The following S100A13 variants were observed in gnomAD, a reference collection of about 807,000 sequenced individuals.
S100A13 encodes the protein S100 calcium binding protein A13.
A neutral mutation model predicts 8.2 loss-of-function variants in S100A13; 6 were observed. The ratio of observed to expected loss-of-function variants is 0.73; its 90% CI spans 0.40 to 1.44. S100A13 has a LOEUF of 1.44. S100A13 is among the 40% of genes most tolerant of loss of function. The pLI is 0.02. For missense variants in S100A13, 114 were observed against 113.6 expected, an observed-to-expected ratio of 1.00 and a Z score of -0.02; for synonymous variants, 39 against 45.9, an observed-to-expected ratio of 0.85 and a Z score of 0.61.
rs748899362 is a variant in S100A13, at chr1:153,618,926, T to C, written c.266A>G (p.Lys89Arg). 9.9e-6 allele frequency: 16 copies of C among 1,614,002 alleles called. No individual in the cohort carries two copies. Among genetic ancestry groups the C allele is most frequent in the Non-Finnish European group, 1.4e-5 (16 of 1,180,014 alleles). The change falls in exon 3 of 3, where the codon AAG (lysine) becomes AGG (arginine). Residue 89 changes from lysine to arginine, a missense_variant. Transcript: ENST00000476133. ...LIGELAKEIR[K>R]KKDLKIRKK The stretch of plus-strand genomic sequence containing the variant: ...CTTCCTGATCTTCAGGTCTTTCTTC[T>C]TCCTGATTTCCTTGGCCAGCTCCCC...
chr1:153,625,971 C>T (rs1193777753), intron 2 of S100A13, among the ~76,000 whole-genome samples: 2 of 152,194 alleles, frequency 1.3e-5, no homozygotes, highest in African/African-American at 4.8e-5. Context: ...AGTTCGAGAC[C>T]AGCCTGGCCA....
At chr1:153,630,438 G>A (rs570376747), upstream of S100A13, 1 of 1,566,142 alleles carries the variant, frequency 6.4e-7, no homozygotes, top group East Asian at 2.3e-5. Context: ...CAGTCCTGAG[G>A]GTTCCCCTCA....
upstream of S100A13, chr1:153,631,521 C>G: frequency 6.2e-7 from 1 of 1,613,568 alleles, no homozygotes; most frequent in Non-Finnish European, 8.5e-7. Context: ...GGTGAAAGAG[C>G]TTATGCTGTA....
chr1:153,627,715 C>T (rs1008869974), upstream of S100A13: 10 of 224,002 alleles, frequency 4.5e-5, no homozygotes, highest in African/African-American at 2.3e-4. Flanking sequence ...GCTGCCTGGA[C>T]AGATCTCGTT....
upstream of S100A13, chr1:153,630,999 G>T: frequency 2.7e-6 from 1 of 373,360 alleles, no homozygotes; most frequent in Non-Finnish European, 4.8e-6. Flanking sequence ...AGGGTTATGA[G>T]AGATTATTAA....
chr1:153,620,058 G>A (rs927182290), intron 2 of S100A13, among the ~76,000 whole-genome samples: 2 of 152,006 alleles, frequency 1.3e-5, no homozygotes, highest in African/African-American at 4.8e-5. Context: ...AGGCTGAGGT[G>A]GGCGGATCAC....
intron 2 of S100A13, among the ~76,000 whole-genome samples, chr1:153,621,544 G>C (rs1248752434): frequency 6.6e-6 from 1 of 151,544 alleles, no homozygotes; most frequent in South Asian, 2.1e-4. Context: ...AGGCCAAGGC[G>C]GGTGGATAAC....
In S100A13 at chr1:153,626,353, C is replaced by T; in HGVS notation, c.120G>A (p.Glu40=). 1 of 1,614,218 alleles carries T rather than the reference C, an allele frequency of 6.2e-7. No homozygotes were observed. The highest frequency in any genetic ancestry group is 8.5e-7 in the Non-Finnish European group (1 of 1,180,038). The part of the protein sequence containing the change: ...KDSLSVNEFK[E]LVTQQLPHLL... ...GATGGGGCAACTGCTGGGTAACCAGCTCTTTGAACTCGTTGACGCTGAGGC... is the reference window on the plus strand; with the variant it reads ...GATGGGGCAACTGCTGGGTAACCAGTTCTTTGAACTCGTTGACGCTGAGGC... The change falls in exon 2 of 3, where the codon GAG becomes GAA. Residue 40 remains glutamate (E), a synonymous_variant. Transcript: ENST00000476133.
At chr1:153,621,049 A>T (rs528051538) in intron 2 of S100A13, among the ~76,000 whole-genome samples, 1 of 152,346 alleles carries the variant, frequency 6.6e-6, no homozygotes, top group East Asian at 1.9e-4. Flanking sequence ...GAATAAATAG[A>T]AAATGGAATA....
intron 2 of S100A13, among the ~76,000 whole-genome samples, chr1:153,622,175 G>A (rs1222394534): frequency 6.6e-6 from 1 of 152,050 alleles, no homozygotes; most frequent in East Asian, 1.9e-4. Context: ...TGCGAGACCA[G>A]CCTGGCCAAC....
chr1:153,619,035 C>T lies in S100A13; in HGVS notation c.157G>A (p.Val53Met). The T allele has an allele frequency of 6.2e-7, 1 of 1,613,598 alleles. No individual in the cohort carries two copies. Among genetic ancestry groups the T allele is most frequent in the African/African-American group, 1.3e-5 (1 of 75,012 alleles). ...TQQLPHLLKDVGSLDEKMKSL... is the reference protein window; with the variant it reads ...TQQLPHLLKDMGSLDEKMKSL... The stretch of plus-strand genomic sequence containing the variant: ...TTCATCTTCTCATCAAGAGAGCCCA[C>T]ATCCTGAGGAGACACCAAAGGGAAG... The change falls in exon 3 of 3, where the codon GTG becomes ATG. Residue 53 changes from valine (V) to methionine (M), a missense_variant. Physicochemically the swap from Val to Met is conservative, Grantham distance 21. Coordinates refer to ENST00000476133, the MANE Select transcript of S100A13 (RefSeq NM_001024211.2).
chr1:153,630,897 T>G (rs2101639552), upstream of S100A13: 2 of 520,518 alleles, frequency 3.8e-6, no homozygotes, highest in Non-Finnish European at 6.7e-6. Flanking sequence ...TCATCAATAA[T>G]AAGACACACA....
At chr1:153,633,316 C>T (rs1668137144), upstream of S100A13, among the ~76,000 whole-genome samples, 1 of 152,156 alleles carries the variant, frequency 6.6e-6, no homozygotes, top group South Asian at 2.1e-4. Flanking sequence ...GCGCCACTGA[C>T]TCCAGCCTGG....
chr1:153,623,131 G>A (rs576844761), intron 2 of S100A13, among the ~76,000 whole-genome samples: 22 of 152,132 alleles, frequency 1.4e-4, no homozygotes, highest in Middle Eastern at 3.4e-3. Context: ...TGGTAAGAAC[G>A]ATACAGTGGA....
chr1:153,633,302 C>G (rs1464351534), upstream of S100A13: 1 of 152,224 alleles, frequency 6.6e-6, no homozygotes, highest in Non-Finnish European at 1.5e-5. Flanking sequence ...ATCCGTGATT[C>G]ATTGCGCCAC....
upstream of S100A13, chr1:153,631,863 C>T (rs376068181): frequency 6.8e-6 from 11 of 1,609,726 alleles, no homozygotes; most frequent in South Asian, 6.6e-5. Context: ...CATTGGGCAG[C>T]GCCCTTCCTC....
chr1:153,625,030 G>A (rs1178308708), intron 2 of S100A13, among the ~76,000 whole-genome samples: 6 of 152,068 alleles, frequency 3.9e-5, no homozygotes, highest in Non-Finnish European at 2.9e-5. Context: ...AGCCAAGATC[G>A]CACCATTGCA....
At chr1:153,632,842 T>C (rs1668103681), upstream of S100A13, among the ~76,000 whole-genome samples, 1 of 152,128 alleles carries the variant, frequency 6.6e-6, no homozygotes, top group Non-Finnish European at 1.5e-5. Context: ...CTCAAACATA[T>C]GTACACTGTA....
chr1:153,626,247 G>T (rs1052465117), intron 2 of S100A13, 73 bp downstream of exon 2: 1 of 1,384,536 alleles, frequency 7.2e-7, no homozygotes. Context: ...ACCGTACTCG[G>T]CACCATCACG....
Sources: gnomAD v4.1 joint callset for allele counts (sites outside exome capture counted in the v4.1 genomes callset) on GRCh38, gnomAD v4.1.1 for gene constraint, MANE v1.5 for transcripts, NCBI Gene and HGNC (gene_info 2026-07-23, HGNC 2026-07-21) for gene names.